CLEC9A: variants seen among roughly 807,000 people sequenced by gnomAD.
CLEC9A encodes the protein C-type lectin domain family 9 member A.
A neutral mutation model predicts 30.0 loss-of-function variants in CLEC9A; 24 were observed. The ratio of observed to expected loss-of-function variants is 0.80; its 90% CI spans 0.58 to 1.13. CLEC9A has a LOEUF of 1.13. Ranked by LOEUF, CLEC9A falls within the 50% of genes most tolerant of loss-of-function variation. CLEC9A has a pLI of 0.00. For missense variants in CLEC9A, 251 were observed against 280.9 expected, an observed-to-expected ratio of 0.89 and a Z score of 0.76; for synonymous variants, 111 against 96.8, an observed-to-expected ratio of 1.15 and a Z score of -0.86.
rs753799401 is a variant in CLEC9A at position 10,063,218 on chromosome 12, T to C, written c.471+12T>C. 1 of 1,575,230 alleles carries C rather than the reference T, an allele frequency of 6.3e-7. No homozygotes were observed. The highest frequency in any genetic ancestry group is 1.2e-5 in the South Asian group (1 of 84,414). Reference sequence around the variant, plus strand: ...GCAAAGAAGAAATGGTAAACACTGTTTTGTGGTCTCATGTTATTCTGAAAA... The same window carrying C: ...GCAAAGAAGAAATGGTAAACACTGTCTTGTGGTCTCATGTTATTCTGAAAA... On this transcript the variant is annotated intron_variant, in intron 7 of 8. Transcript: ENST00000355819.
At chr12:10,036,526 C>T (rs900288658) in intron 1 of CLEC9A, among the ~76,000 whole-genome samples, 24 of 152,166 alleles carry the variant, frequency 1.6e-4, no homozygotes, top group African/African-American at 5.3e-4. Context: ...TCTTTTGTTT[C>T]TGTCTGCAGT....
intron 1 of CLEC9A, among the ~76,000 whole-genome samples, chr12:10,036,927 A>G (rs1164064228): frequency 6.6e-6 from 1 of 152,230 alleles, no homozygotes; most frequent in Non-Finnish European, 1.5e-5. Context: ...GTATTGGGTA[A>G]CACAGGAAAT....
chr12:10,030,921 A>G lies in CLEC9A; in HGVS notation c.-369A>G, dbSNP rs1208116534. On this transcript the variant is annotated 5_prime_UTR_variant, in exon 1 of 9. The change abolishes an upstream ATG in the 5' untranslated region. Coordinates refer to ENST00000355819, the MANE Select transcript of CLEC9A (RefSeq NM_207345.4). The stretch of plus-strand genomic sequence containing the variant: ...GATCCACACAATGGTAAAGATTCCC[A>G]TGTTAGCCAAGATCTAAATGATTCA... 6.6e-6 allele frequency: 1 copy of G among 152,184 alleles called. No homozygotes were observed. The highest frequency in any genetic ancestry group is 1.9e-4 in the East Asian group (1 of 5,200). The allele number at this position is 152,184 out of a possible 1,614,324, so 9.4% of individuals were successfully genotyped here.
At chr12:10,044,114 T>C (rs1056485897) in intron 2 of CLEC9A, among the ~76,000 whole-genome samples, 8 of 152,212 alleles carry the variant, frequency 5.3e-5, no homozygotes, top group Admixed American at 3.9e-4. Flanking sequence ...ATTAGATACA[T>C]TGGGGTTCAC....
At chr12:10,047,407 G>A (rs1404483787) in intron 2 of CLEC9A, among the ~76,000 whole-genome samples, 1 of 152,166 alleles carries the variant, frequency 6.6e-6, no homozygotes, top group African/African-American at 2.4e-5. Context: ...ATCAAACTGT[G>A]CCTACAAAGA....
In CLEC9A at chr12:10,065,775, C is replaced by T. The variant is rs1866040784; in HGVS notation, c.*143C>T. 1 of 749,760 alleles carries T rather than the reference C, an allele frequency of 1.3e-6. No homozygotes were observed. Among genetic ancestry groups the T allele is most frequent in the East Asian group, 2.7e-5 (1 of 36,540 alleles). 46.4% of individuals were successfully genotyped at this position (749,760 alleles called of 1,614,324 possible). A position where few individuals can be genotyped will look rare whatever the true frequency, so the allele number is the denominator to read the frequency against. On this transcript the variant is annotated 3_prime_UTR_variant, in exon 9 of 9. Transcript: ENST00000355819. ...TAGCAACCTGGGACTCAATAATACA[C>T]TTGGGAATATTCTTCCACACCGTCC...
At chr12:10,032,605 A>G (rs541219134) in intron 1 of CLEC9A, among the ~76,000 whole-genome samples, 10 of 151,846 alleles carry the variant, frequency 6.6e-5, no homozygotes, top group Non-Finnish European at 1.3e-4. Context: ...GTTAGCCAGG[A>G]TGGTCTCGAT....
intron 1 of CLEC9A, among the ~76,000 whole-genome samples, chr12:10,031,935 G>A (rs367887377): frequency 6.6e-6 from 1 of 152,194 alleles, no homozygotes; most frequent in South Asian, 2.1e-4. Context: ...AGAAGGGGAA[G>A]TGAGGGTAGG....
At chr12:10,036,594 CATCCCTGTAT>C (rs1227836779) in intron 1 of CLEC9A, among the ~76,000 whole-genome samples, 1 of 152,216 alleles carries the variant, frequency 6.6e-6, no homozygotes, top group East Asian at 1.9e-4. Context: ...ATCCACAGGC[CATCCCTGTAT>C]ATTAATCAGT....
At chr12:10,064,953 A>T (rs1429464138) in intron 8 of CLEC9A, 100 bp downstream of exon 8, 1 of 1,396,162 alleles carries the variant, frequency 7.2e-7, no homozygotes, top group African/African-American at 1.5e-5. Context: ...AGGGACAAGC[A>T]GCATGATAAT....
chr12:10,043,797 T>C (rs542818109), intron 2 of CLEC9A, among the ~76,000 whole-genome samples: 4 of 152,100 alleles, frequency 2.6e-5, no homozygotes, highest in African/African-American at 9.6e-5. Context: ...GTCTCATGCC[T>C]CAGCCTCCTG....
intron 6 of CLEC9A, among the ~76,000 whole-genome samples, chr12:10,062,685 T>C (rs1223206436): frequency 6.6e-6 from 1 of 152,148 alleles, no homozygotes; most frequent in East Asian, 1.9e-4. Context: ...CTGGCTAAAT[T>C]GGGGCAGTAA....
intron 3 of CLEC9A, 40 bp from the exon 4 acceptor site, chr12:10,052,590 C>T: frequency 3.9e-6 from 6 of 1,523,672 alleles, no homozygotes; most frequent in Non-Finnish European, 5.3e-6. Flanking sequence ...GAAAATGTAA[C>T]CAATTTCAGT....
intron 4 of CLEC9A, among the ~76,000 whole-genome samples, chr12:10,053,269 A>T (rs1280194400): frequency 6.6e-6 from 1 of 152,210 alleles, no homozygotes; most frequent in Non-Finnish European, 1.5e-5. Flanking sequence ...GATTAACAGA[A>T]CGTAAATTTA....
chr12:10,048,857 A>G (rs1399516254), intron 2 of CLEC9A, among the ~76,000 whole-genome samples: 2 of 152,240 alleles, frequency 1.3e-5, no homozygotes, highest in African/African-American at 4.8e-5. Flanking sequence ...GACTCCTTCC[A>G]TGAATCACAA....
chr12:10,039,316 G>C (rs1865771209), intron 1 of CLEC9A, among the ~76,000 whole-genome samples: 1 of 152,102 alleles, frequency 6.6e-6, no homozygotes, highest in African/African-American at 2.4e-5. Flanking sequence ...CTATTTGTCT[G>C]TTTGTCACTA....
At chr12:10,047,236 T>G (rs1044551524) in intron 2 of CLEC9A, among the ~76,000 whole-genome samples, 1 of 152,234 alleles carries the variant, frequency 6.6e-6, no homozygotes, top group Non-Finnish European at 1.5e-5. Flanking sequence ...AAATAGGAAC[T>G]AATAATTCAG....
intron 1 of CLEC9A, among the ~76,000 whole-genome samples, chr12:10,037,322 G>C (rs897080971): frequency 2.6e-5 from 4 of 152,074 alleles, no homozygotes; most frequent in African/African-American, 9.7e-5. Flanking sequence ...TTATTTACCT[G>C]CATTTGTATA....
chr12:10,059,403 A>G (rs1240646548), intron 5 of CLEC9A, among the ~76,000 whole-genome samples: 1 of 152,246 alleles, frequency 6.6e-6, no homozygotes, highest in African/African-American at 2.4e-5. Flanking sequence ...AACCTTACAC[A>G]AAAATTAAAA....
Sources: allele counts gnomAD v4.1 joint callset (sites outside exome capture counted in the v4.1 genomes callset), GRCh38; gene constraint gnomAD v4.1.1; transcripts MANE v1.5; gene names NCBI Gene and HGNC (gene_info 2026-07-23, HGNC 2026-07-21).